The following CDH12 variants were observed in gnomAD, a reference collection of about 807,000 sequenced individuals.
CDH12 encodes cadherin 12, also known as cadherin-12.
CDH12 carries 41 observed loss-of-function variants against 74.1 expected under a neutral mutation model. The observed-to-expected ratio is 0.55, with a 90% CI of 0.43 to 0.72. The LOEUF is 0.72. CDH12 is among the 30% of genes least tolerant of loss of function. The probability of loss-of-function intolerance (pLI) is 0.00; values close to 1 mark genes in which losing one functional copy is unlikely to be tolerated. For synonymous variants in CDH12, 399 were observed against 355.0 expected (o/e 1.12, Z -1.39); for missense variants, 945 against 977.2 (o/e 0.97, Z 0.44).
intron 1 of CDH12, among the ~76,000 whole-genome samples, chr5:22,573,600 T>A (rs1034010174): frequency 6.6e-6 from 1 of 152,190 alleles, no homozygotes; most frequent in Non-Finnish European, 1.5e-5. Context: ...AATTAAAATT[T>A]TAGTTTCAAT....
intron 6 of CDH12, among the ~76,000 whole-genome samples, chr5:21,858,432 T>A (rs1750865021): frequency 6.6e-6 from 1 of 151,926 alleles, no homozygotes; most frequent in African/African-American, 2.4e-5. Flanking sequence ...TTGAAAACAC[T>A]AATAAAAAGT....
intron 1 of CDH12, among the ~76,000 whole-genome samples, chr5:22,836,463 T>A (rs570266828): frequency 6.6e-6 from 1 of 151,982 alleles, no homozygotes; most frequent in East Asian, 1.9e-4. Flanking sequence ...ACTCCTGACC[T>A]CCTGATCCAC....
chr5:21,788,363 G>A (rs1746309170), intron 10 of CDH12, among the ~76,000 whole-genome samples: 1 of 152,122 alleles, frequency 6.6e-6, no homozygotes, highest in South Asian at 2.1e-4. Flanking sequence ...AACTGCAACA[G>A]CAGTAGCAAA....
At chr5:22,631,171 T>C (rs943762223) in intron 1 of CDH12, among the ~76,000 whole-genome samples, 1 of 152,206 alleles carries the variant, frequency 6.6e-6, no homozygotes, top group African/African-American at 2.4e-5. Context: ...AAGGGAATGC[T>C]TATACACTGC....
chr5:22,787,330 A>C (rs1747689294), intron 1 of CDH12, among the ~76,000 whole-genome samples: 1 of 152,118 alleles, frequency 6.6e-6, no homozygotes, highest in Non-Finnish European at 1.5e-5. Context: ...CTTGTATCCC[A>C]CTATGCAATT....
chr5:22,176,060 A>G (rs1223671916), intron 4 of CDH12, among the ~76,000 whole-genome samples: 3 of 152,116 alleles, frequency 2.0e-5, no homozygotes, highest in Non-Finnish European at 4.4e-5. Context: ...GTCTCTATGG[A>G]TTATTGAGCA....
At chr5:21,947,583 T>C (rs1038844802) in intron 6 of CDH12, among the ~76,000 whole-genome samples, 4 of 152,140 alleles carry the variant, frequency 2.6e-5, no homozygotes, top group African/African-American at 9.7e-5. Flanking sequence ...TTGGAACTTA[T>C]GTTTAAAATG....
intron 1 of CDH12, among the ~76,000 whole-genome samples, chr5:22,749,268 A>G (rs1229381195): frequency 6.6e-6 from 1 of 152,224 alleles, no homozygotes; most frequent in Non-Finnish European, 1.5e-5. Context: ...GACCTGTCTG[A>G]AGCGCAGGTG....
At chr5:22,542,415 G>C (rs16896681) in intron 1 of CDH12, among the ~76,000 whole-genome samples, 24,718 of 152,118 alleles carry the variant, frequency 0.16, 2,586 homozygotes, top group East Asian at 0.37. Context: ...AATCATGATT[G>C]CTACTAAGTT....
chr5:21,921,816 T>A (rs1754365546), intron 6 of CDH12, among the ~76,000 whole-genome samples: 1 of 152,188 alleles, frequency 6.6e-6, no homozygotes, highest in Non-Finnish European at 1.5e-5. Context: ...AGGAGAGACA[T>A]GGAAGACTGT....
At chr5:22,805,770 T>C (rs1748750577) in intron 1 of CDH12, among the ~76,000 whole-genome samples, 1 of 152,176 alleles carries the variant, frequency 6.6e-6, no homozygotes, top group African/African-American at 2.4e-5. Context: ...CAACCCATCA[T>C]CTACATTAGG....
rs187469598 is a variant in CDH12, at chr5:22,709,256, A to T, written c.-523+143802T>A. On this transcript the variant is annotated intron_variant, in intron 1 of 14. Transcript: ENST00000382254. ...ATGCAAACAAATAATAACCGGAAAA[A>T]GATGAAATATTTCCATTGAAAAGCT... Among the ~76,000 whole-genome samples, 8 of 152,304 alleles carry T rather than the reference A, an allele frequency of 5.3e-5. No individual in the cohort carries two copies. The East Asian group carries it at 1.5e-3, about 29-fold the overall frequency.
chr5:22,624,678 G>C (rs1738174557), intron 1 of CDH12, among the ~76,000 whole-genome samples: 1 of 152,222 alleles, frequency 6.6e-6, no homozygotes, highest in Non-Finnish European at 1.5e-5. Context: ...TGGAGAGGAT[G>C]TGGAGAAACA....
rs1203656300 is a variant in CDH12, at chr5:22,633,816, A to G, written c.-522-128452T>C. Among the ~76,000 whole-genome samples the G allele has an allele frequency of 6.6e-5, 10 of 152,144 alleles. No individual in the cohort carries two copies. The East Asian group carries it at 1.2e-3, about 18-fold the overall frequency. On this transcript the variant is annotated intron_variant, in intron 1 of 14. Coordinates refer to ENST00000382254, the MANE Select transcript of CDH12 (RefSeq NM_004061.5). ...ATTCTGGGACTTCTCAACTTCTACA[A>G]TTGCATGAACCAATAGCTTATAAGA...
At chr5:22,651,731 C>T (rs1454618294) in intron 1 of CDH12, among the ~76,000 whole-genome samples, 2 of 149,510 alleles carry the variant, frequency 1.3e-5, no homozygotes, top group African/African-American at 4.9e-5. Flanking sequence ...ATAAAATGTT[C>T]TAAAATTGAT....
In CDH12 at chr5:22,562,133, C is replaced by A. The variant is rs566215870; in HGVS notation, c.-522-56769G>T. On this transcript the variant is annotated intron_variant, in intron 1 of 14. Transcript: ENST00000382254. ...GAGATCGAGACCATCCCAGCTAAAA[C>A]GGTGAAACCCCGTCTCTACTAAAAA... Among the ~76,000 whole-genome samples the A allele has an allele frequency of 1.3e-5, 2 of 152,008 alleles. 1 individual carries two copies. Among genetic ancestry groups the A allele is most frequent in the South Asian group, 4.2e-4 (2 of 4,810 alleles).
At chr5:22,109,867 A>G (rs1026857622) in intron 4 of CDH12, among the ~76,000 whole-genome samples, 2 of 152,190 alleles carry the variant, frequency 1.3e-5, no homozygotes, top group East Asian at 1.9e-4. Context: ...TTTACATAAC[A>G]TAAGTTTTAC....
At chr5:22,597,313 T>C (rs1256077361) in intron 1 of CDH12, among the ~76,000 whole-genome samples, 1 of 152,240 alleles carries the variant, frequency 6.6e-6, no homozygotes. Context: ...ATTTGAAATA[T>C]GTAACTTGTA....
chr5:22,375,387 T>C (rs1425087913), intron 3 of CDH12, among the ~76,000 whole-genome samples: 1 of 152,070 alleles, frequency 6.6e-6, no homozygotes, highest in Non-Finnish European at 1.5e-5. Context: ...TCAGTCTAGA[T>C]AAATATTTTA....
Sources: allele counts gnomAD v4.1 joint callset (sites outside exome capture counted in the v4.1 genomes callset), GRCh38; gene constraint gnomAD v4.1.1; transcripts MANE v1.5; gene names NCBI Gene and HGNC (gene_info 2026-07-23, HGNC 2026-07-21).